PHEX: variants seen among roughly 807,000 people sequenced by gnomAD.
PHEX encodes the protein phosphate-regulating neutral endopeptidase PHEX.
Under a neutral mutation model 68.0 loss-of-function variants are expected in PHEX, and 16 were observed. That is an observed-to-expected ratio of 0.24 (90% CI 0.16 to 0.36). The LOEUF (loss-of-function observed/expected upper bound fraction) is 0.36, where lower values mean the gene tolerates loss of function less well. Ranked by LOEUF, PHEX falls within the 10% of genes least tolerant of loss-of-function variation. The pLI, the probability that PHEX is intolerant of heterozygous loss-of-function variation, is 1.00. For synonymous variants in PHEX, 208 were observed against 205.1 expected, an observed-to-expected ratio of 1.01 and a Z score of -0.12; for missense variants, 480 against 575.5, an observed-to-expected ratio of 0.83 and a Z score of 1.70.
At chrX:22,054,791 G>T (rs1330572712) in intron 3 of PHEX, among the ~76,000 whole-genome samples, 1 of 111,144 alleles carries the variant, frequency 9.0e-6, no homozygotes, top group Non-Finnish European at 1.9e-5. Flanking sequence ...TGAAAAGTTT[G>T]TTGTTATTCA....
chrX:22,077,450 TTCTCTTCATA>T lies in PHEX; in HGVS notation c.437-22_437-13del. 1 of 1,167,700 alleles carries T rather than the reference TTCTCTTCATA, an allele frequency of 8.6e-7. No individual in the cohort carries two copies. Among genetic ancestry groups the T allele is most frequent in the Non-Finnish European group, 1.2e-6 (1 of 855,220 alleles). ...GCTGATCCAGTTTGCAATTCTAACT[TTCTCTTCATA>T]TCTGCTCCCTTTCAGAAGCGATTGA... On this transcript the variant is annotated splice_polypyrimidine_tract_variant and intron_variant, in intron 4 of 21. Coordinates refer to ENST00000379374, the MANE Select transcript of PHEX (RefSeq NM_000444.6).
intron 13 of PHEX, among the ~76,000 whole-genome samples, chrX:22,176,397 AAAAAAATATATAT>A (rs1233742166): frequency 2.2e-3 from 166 of 75,769 alleles, no homozygotes; most frequent in Middle Eastern, 0.012. Context: ...AAAAAAAAAA[AAAAAAATATATAT>A]ATATATATAT....
At chrX:22,058,807 T>G (rs1928232766) in intron 3 of PHEX, among the ~76,000 whole-genome samples, 1 of 111,950 alleles carries the variant, frequency 8.9e-6, no homozygotes, top group Admixed American at 9.5e-5. Context: ...TTCTACCAAT[T>G]TCCCTTCTTT....
At chrX:22,070,141 C>A (rs1376694822) in intron 3 of PHEX, among the ~76,000 whole-genome samples, 1 of 110,780 alleles carries the variant, frequency 9.0e-6, no homozygotes, top group Non-Finnish European at 1.9e-5. Context: ...TTAAGTACCA[C>A]CAAAGGAGAA....
chrX:22,169,122 C>A (rs2147119569), intron 13 of PHEX, among the ~76,000 whole-genome samples: 1 of 111,861 alleles, frequency 8.9e-6, no homozygotes, highest in East Asian at 2.8e-4. Flanking sequence ...AACTATAGTT[C>A]TGAGGTATAG....
chrX:22,133,501 C>G, intron 11 of PHEX, 22 bp from the exon 12 acceptor site: 1 of 1,158,344 alleles, frequency 8.6e-7, no homozygotes, highest in Non-Finnish European at 1.2e-6. Flanking sequence ...TTGACGTTCC[C>G]TCTTTGGGTA....
chrX:22,078,781 GGC>G (rs1226872341), intron 5 of PHEX, among the ~76,000 whole-genome samples: 1 of 111,785 alleles, frequency 8.9e-6, no homozygotes, highest in African/African-American at 3.3e-5. Flanking sequence ...CTGTATGGCG[GGC>G]TGGCCCAGTG....
intron 3 of PHEX, among the ~76,000 whole-genome samples, chrX:22,052,370 C>T (rs5904611): frequency 0.43 from 47,021 of 109,966 alleles, 7,599 homozygotes; most frequent in African/African-American, 0.51. Context: ...TGGGATTACA[C>T]GCATGCGCCA....
At chrX:22,233,898 G>T (rs1190322447) in intron 20 of PHEX, among the ~76,000 whole-genome samples, 2 of 112,032 alleles carry the variant, frequency 1.8e-5, no homozygotes, top group South Asian at 3.7e-4. Flanking sequence ...AGGTATTTTG[G>T]TTTTTGTAAC....
intron 6 of PHEX, among the ~76,000 whole-genome samples, chrX:22,092,284 A>AT (rs1929923445): frequency 9.0e-6 from 1 of 111,203 alleles, no homozygotes; most frequent in Non-Finnish European, 1.9e-5. Context: ...CAGCATTATT[A>AT]TTTTTTTTCT....
intron 17 of PHEX, among the ~76,000 whole-genome samples, chrX:22,220,740 A>C (rs918250634): frequency 5.4e-5 from 6 of 112,048 alleles, no homozygotes; most frequent in African/African-American, 1.9e-4. Context: ...ATACTATCCC[A>C]GGGGGTGGTG....
intron 2 of PHEX, among the ~76,000 whole-genome samples, chrX:22,045,244 G>A (rs1347907143): frequency 8.9e-6 from 1 of 111,808 alleles, no homozygotes; most frequent in Non-Finnish European, 1.9e-5. Flanking sequence ...TATCTAAATT[G>A]ACACAGATTG....
rs772544223 is a variant in PHEX at position 22,064,934 on chromosome X, C to G, written c.350-11454C>G. Among the ~76,000 whole-genome samples the G allele has an allele frequency of 8.0e-5, 9 of 112,182 alleles. No homozygotes were observed. In the East Asian group the frequency reaches 2.5e-3, roughly 32 times the overall value. ...TGTAATTGCAGATTAATAACCTACCCATTAATACCACATTAGTTCATCATG... is the reference window on the plus strand; with the variant it reads ...TGTAATTGCAGATTAATAACCTACCGATTAATACCACATTAGTTCATCATG... On this transcript the variant is annotated intron_variant, in intron 3 of 21. Transcript: ENST00000379374.
chrX:22,107,320 C>G (rs978868621), intron 9 of PHEX, among the ~76,000 whole-genome samples: 4 of 112,086 alleles, frequency 3.6e-5, no homozygotes, highest in African/African-American at 9.7e-5. Flanking sequence ...CATCACCACC[C>G]CTTTGAGGGA....
At chrX:22,160,201 G>A (rs367768992) in intron 12 of PHEX, among the ~76,000 whole-genome samples, 3 of 111,454 alleles carry the variant, frequency 2.7e-5, no homozygotes, top group East Asian at 5.7e-4. Flanking sequence ...CAATCATGGC[G>A]GAAGGCAAAG....
chrX:22,036,965 G>A (rs1162208093), intron 1 of PHEX, among the ~76,000 whole-genome samples: 2 of 107,836 alleles, frequency 1.9e-5, no homozygotes, highest in Non-Finnish European at 1.9e-5. Context: ...CGGGCGTGGT[G>A]GCGGGTGCCT....
intron 12 of PHEX, among the ~76,000 whole-genome samples, chrX:22,145,131 C>T (rs994258905): frequency 2.1e-4 from 24 of 112,031 alleles, no homozygotes; most frequent in African/African-American, 7.4e-4. Context: ...AAGGGCGATC[C>T]GTGTGTTCAG....
At chrX:22,208,115 T>TA (rs1211191709) in intron 15 of PHEX, among the ~76,000 whole-genome samples, 2 of 107,909 alleles carry the variant, frequency 1.9e-5, no homozygotes, top group Admixed American at 1.0e-4. Context: ...ACAAGTTTAT[T>TA]ATCTTTGGAT....
rs778892585 is a variant in PHEX at position 22,077,226 on chromosome X, C to T, written c.437-250C>T. Among the ~76,000 whole-genome samples, 12 of 111,481 alleles carry T rather than the reference C, an allele frequency of 1.1e-4. No homozygotes were observed. In the Admixed American group the frequency reaches 1.1e-3, roughly 11 times the overall value. ...ATCCATGTTTATTGTAGTGAATATC[C>T]AGCAGTTTCCCTGGTCAGCTCTCCT... On this transcript the variant is annotated intron_variant, in intron 4 of 21. Transcript: ENST00000379374.
Sources: gnomAD v4.1 joint callset for allele counts (sites outside exome capture counted in the v4.1 genomes callset) on GRCh38, gnomAD v4.1.1 for gene constraint, MANE v1.5 for transcripts, NCBI Gene and HGNC (gene_info 2026-07-23, HGNC 2026-07-21) for gene names.